Variants in TMEM132C observed in about 807,000 individuals in gnomAD.
TMEM132C encodes the protein protein phosphatase 1, regulatory subunit 152.
A neutral mutation model predicts 61.4 loss-of-function variants in TMEM132C; 29 were observed. That is an observed-to-expected ratio of 0.47 (90% CI 0.35 to 0.64). The LOEUF (loss-of-function observed/expected upper bound fraction) is 0.64. Among genes scored for constraint, TMEM132C ranks in the 30% least tolerant of loss-of-function variants. The pLI is 0.00. For missense variants in TMEM132C, 1,408 were observed against 1,476.9 expected (o/e 0.95, Z 0.76); for synonymous variants, 656 against 633.1 (o/e 1.04, Z -0.54).
intron 3 of TMEM132C, among the ~76,000 whole-genome samples, chr12:128,599,918 C>T (rs1876108664): frequency 6.6e-6 from 1 of 152,164 alleles, no homozygotes; most frequent in Non-Finnish European, 1.5e-5. Context: ...CCGTTACCCC[C>T]ATGCTGCTGT....
In TMEM132C at chr12:128,697,400, G is replaced by A. The variant is rs1414031206; in HGVS notation, c.2106G>A (p.Leu702=). 25 of 1,540,768 alleles carry A rather than the reference G, an allele frequency of 1.6e-5. No individual in the cohort carries two copies. Among genetic ancestry groups the A allele is most frequent in the Non-Finnish European group, 2.0e-5 (23 of 1,138,688 alleles). The change falls in exon 8 of 9, where the codon CTG becomes CTA. Residue 702 remains leucine (L), a synonymous_variant. Coordinates refer to ENST00000435159, the MANE Select transcript of TMEM132C (RefSeq NM_001136103.3). ...VTAVVTAEEV[L]RTPKQEAVFS... The stretch of plus-strand genomic sequence containing the variant: ...CTGTGGTCACAGCTGAGGAGGTGCT[G>A]CGGACCCCCAAACAGGTAGGGGGCC...
chr12:128,448,555 T>G (rs1222733085), intron 2 of TMEM132C, among the ~76,000 whole-genome samples: 1 of 152,110 alleles, frequency 6.6e-6, no homozygotes, highest in Admixed American at 6.5e-5. Flanking sequence ...GTCGAGCCAA[T>G]GCCCGGGATT....
At chr12:128,611,449 A>C (rs1286048274) in intron 3 of TMEM132C, among the ~76,000 whole-genome samples, 1 of 152,120 alleles carries the variant, frequency 6.6e-6, no homozygotes, top group Non-Finnish European at 1.5e-5. Context: ...AGGTGCTCTC[A>C]TTGCAACAGG....
At chr12:128,660,408 AC>A (rs1954375359) in intron 4 of TMEM132C, among the ~76,000 whole-genome samples, 1 of 152,184 alleles carries the variant, frequency 6.6e-6, no homozygotes, top group South Asian at 2.1e-4. Context: ...TCTGGGCACA[AC>A]CACTGGGAGT....
chr12:128,448,952 A>G (rs1352074437), intron 2 of TMEM132C, among the ~76,000 whole-genome samples: 1 of 151,864 alleles, frequency 6.6e-6, no homozygotes, highest in African/African-American at 2.4e-5. Context: ...CCTGGCTAAC[A>G]CGGCGAAACC....
At chr12:128,534,447 A>G (rs754648853) in intron 2 of TMEM132C, among the ~76,000 whole-genome samples, 3 of 152,234 alleles carry the variant, frequency 2.0e-5, no homozygotes, top group Non-Finnish European at 2.9e-5. Flanking sequence ...TAGCAGACCC[A>G]CAAACTGGAA....
intron 2 of TMEM132C, among the ~76,000 whole-genome samples, chr12:128,473,325 C>CACCTTCACTCCAGCCTCT (rs1257758426): frequency 1.6e-5 from 1 of 63,524 alleles, no homozygotes. Flanking sequence ...CCTCTATCTT[C>CACCTTCACTCCAGCCTCT]ATCTTCAGTC....
In TMEM132C at chr12:128,570,621, C is replaced by T. The variant is rs879202476; in HGVS notation, c.1121+26518C>T. Reference sequence around the variant, plus strand: ...TGTGGCTGGCTCAGTGTCTCCACAACGCCAGGGGACCCAGGCTCCTTTTCT... The same window carrying T: ...TGTGGCTGGCTCAGTGTCTCCACAATGCCAGGGGACCCAGGCTCCTTTTCT... On this transcript the variant is annotated intron_variant, in intron 3 of 8. Coordinates refer to ENST00000435159, the MANE Select transcript of TMEM132C (RefSeq NM_001136103.3). This position sits in a 1 kb window ranked among gnomAD's most constrained non-coding sequence, Gnocchi z 4.7. Among the ~76,000 whole-genome samples, 13 of 152,024 alleles carry T rather than the reference C, an allele frequency of 8.6e-5. No homozygotes were observed. Among genetic ancestry groups the T allele is most frequent in the South Asian group, 2.1e-4 (1 of 4,828 alleles).
At chr12:128,346,641 A>G (rs1435861428) in intron 1 of TMEM132C, among the ~76,000 whole-genome samples, 1 of 152,018 alleles carries the variant, frequency 6.6e-6, no homozygotes, top group Admixed American at 6.6e-5. Flanking sequence ...GTATTCCTAG[A>G]TATTTTATTC....
intron 2 of TMEM132C, among the ~76,000 whole-genome samples, chr12:128,496,235 A>G (rs1344653901): frequency 6.6e-6 from 1 of 152,160 alleles, no homozygotes; most frequent in South Asian, 2.1e-4. Flanking sequence ...TTTGTGGGTA[A>G]CCCGACCTTT....
At chr12:128,282,998 A>G (rs1444526030) in intron 1 of TMEM132C, among the ~76,000 whole-genome samples, 2 of 152,196 alleles carry the variant, frequency 1.3e-5, no homozygotes, top group East Asian at 3.8e-4. Context: ...GGGCTTCTCT[A>G]CTGTGAGGTT....
At chr12:128,490,227 C>G (rs192542352) in intron 2 of TMEM132C, among the ~76,000 whole-genome samples, 86 of 152,282 alleles carry the variant, frequency 5.6e-4, no homozygotes, top group African/African-American at 1.6e-3. Flanking sequence ...GAGTTTTGCT[C>G]TGATCCAAGA....
chr12:128,450,005 C>T (rs1870127476), intron 2 of TMEM132C, among the ~76,000 whole-genome samples: 1 of 152,150 alleles, frequency 6.6e-6, no homozygotes, highest in South Asian at 2.1e-4. Flanking sequence ...ATGTAGGGCC[C>T]TGAGTTTCAC....
intron 1 of TMEM132C, among the ~76,000 whole-genome samples, chr12:128,334,760 T>A (rs1055399985): frequency 4.6e-5 from 7 of 152,098 alleles, no homozygotes; most frequent in Admixed American, 2.6e-4. Flanking sequence ...CATGCCTGGC[T>A]AATTTTTTTG....
At chr12:128,403,265 T>G (rs1320610080) in intron 1 of TMEM132C, among the ~76,000 whole-genome samples, 4 of 152,192 alleles carry the variant, frequency 2.6e-5, no homozygotes, top group African/African-American at 9.6e-5. Flanking sequence ...GTGTTTCAAG[T>G]AAGCTGCAGT....
intron 3 of TMEM132C, among the ~76,000 whole-genome samples, chr12:128,584,995 G>A (rs1051025822): frequency 1.1e-4 from 17 of 152,260 alleles, no homozygotes; most frequent in Admixed American, 9.2e-4. Flanking sequence ...CCTTTCACAG[G>A]GCCAGCCTAG....
chr12:128,510,863 A>G (rs1261213888), intron 2 of TMEM132C, among the ~76,000 whole-genome samples: 1 of 152,232 alleles, frequency 6.6e-6, no homozygotes, highest in Admixed American at 6.5e-5. Context: ...TTAGTGCCCT[A>G]TGCCTGCTGC....
chr12:128,502,770 C>G (rs754917402), intron 2 of TMEM132C, among the ~76,000 whole-genome samples: 7 of 152,232 alleles, frequency 4.6e-5, no homozygotes, highest in Admixed American at 6.5e-5. Context: ...ACTCCCTCAC[C>G]AGAGACTCTA....
intron 1 of TMEM132C, among the ~76,000 whole-genome samples, chr12:128,337,880 T>C (rs1345207721): frequency 6.6e-6 from 1 of 152,162 alleles, no homozygotes; most frequent in Non-Finnish European, 1.5e-5. Context: ...AACTTGAAGG[T>C]AGATTTTTTG....
Sources: gnomAD v4.1 joint callset for allele counts (sites outside exome capture counted in the v4.1 genomes callset) on GRCh38, gnomAD v4.1.1 for gene constraint, Gnocchi (gnomAD v3.1) non-coding constraint, MANE v1.5 for transcripts, NCBI Gene and HGNC (gene_info 2026-07-23, HGNC 2026-07-21) for gene names.